HERC4: variants seen among roughly 807,000 people sequenced by gnomAD.
The protein encoded by HERC4 is HECT and RLD domain containing E3 ubiquitin protein ligase 4.
Under a neutral mutation model 124.3 loss-of-function variants are expected in HERC4, and 28 were observed. The observed-to-expected ratio is 0.23, with a 90% CI of 0.17 to 0.31. The LOEUF (loss-of-function observed/expected upper bound fraction) is 0.31, where lower values mean the gene tolerates loss of function less well. Among genes scored for constraint, HERC4 ranks in the 10% least tolerant of loss-of-function variants. The pLI is 1.00. For synonymous variants in HERC4, 407 were observed against 421.5 expected, an observed-to-expected ratio of 0.97 and a Z score of 0.42; for missense variants, 713 against 1,229.3, an observed-to-expected ratio of 0.58 and a Z score of 6.28.
Position 67,992,926 on chromosome 10 carries a change from C to G in HERC4, c.1070-244G>C, listed in dbSNP as rs2036629134. 2.0e-5 allele frequency: 6 copies of G among 305,158 alleles called. No individual in the cohort carries two copies. The East Asian group carries it at 2.2e-4, about 11-fold the overall frequency. The allele number at this position is 305,158 out of a possible 1,614,324, so 18.9% of individuals were successfully genotyped here. ...TGAAGTTTACAAGCCTTTCTTCTGC[C>G]CTGCACCAAGAAAAAAAGCTTTTTC... On this transcript the variant is annotated intron_variant, in intron 9 of 24. Coordinates refer to ENST00000373700, the MANE Select transcript of HERC4 (RefSeq NM_015601.4).
At chr10:67,979,030 G>A (rs968883997) in intron 15 of HERC4, among the ~76,000 whole-genome samples, 6 of 152,162 alleles carry the variant, frequency 3.9e-5, no homozygotes, top group South Asian at 2.1e-4. Context: ...TCCAAACCGC[G>A]AAGACTACAA....
chr10:67,936,516 CTATAAAA>C (rs2032376781), intron 21 of HERC4, among the ~76,000 whole-genome samples: 1 of 152,108 alleles, frequency 6.6e-6, no homozygotes, highest in Admixed American at 6.6e-5. Flanking sequence ...AGAATTGTTA[CTATAAAA>C]TATTAGACAG....
intron 8 of HERC4, among the ~76,000 whole-genome samples, chr10:68,018,478 A>T (rs1053575238): frequency 2.6e-5 from 4 of 152,220 alleles, no homozygotes; most frequent in African/African-American, 9.6e-5. Context: ...TACAGTAAAC[A>T]TTATAATGGT....
chr10:67,958,376 G>A (rs1340833478), intron 16 of HERC4, among the ~76,000 whole-genome samples: 1 of 125,278 alleles, frequency 8.0e-6, no homozygotes, highest in East Asian at 1.9e-4. Context: ...AGCACCCTTT[G>A]GCTTCAAAAC....
At chr10:68,073,335 C>A in intron 2 of HERC4, 149 bp from the exon 3 acceptor site, 1 of 452,940 alleles carries the variant, frequency 2.2e-6, no homozygotes. Flanking sequence ...TTTCAAAAAC[C>A]AATCAGTTGT....
chr10:67,932,902 G>GTC, intron 22 of HERC4, 122 bp from the exon 23 acceptor site: 1 of 803,644 alleles, frequency 1.2e-6, no homozygotes, highest in Non-Finnish European at 1.9e-6. Flanking sequence ...AACTGAGAAT[G>GTC]TATGAGTAGC....
chr10:67,955,045 A>G lies in HERC4; in HGVS notation c.2111T>C (p.Val704Ala), dbSNP rs199978401. The G allele has an allele frequency of 1.9e-6, 3 of 1,600,370 alleles. No homozygotes were observed. Among genetic ancestry groups the G allele is most frequent in the African/African-American group, 1.4e-5 (1 of 73,838 alleles). Residue 704 changes from valine to alanine, a missense_variant, in exon 18 of 25, where the codon GTG becomes GCG. Transcript: ENST00000373700. ...TCCTACAATATTTTCTCTACGCACC[A>G]CTAGAATTAAGCAGGGATTCACAGA... ...IESVNPCLILVVRRENIVGDA... is the reference protein window; with the variant it reads ...IESVNPCLILAVRRENIVGDA...
intron 18 of HERC4, 21 bp downstream of exon 18, chr10:67,954,942 C>T: frequency 1.3e-6 from 2 of 1,578,602 alleles, no homozygotes; most frequent in South Asian, 1.2e-5. Context: ...CCCAATTATA[C>T]CACAGAAAAT....
rs1179387136 is a variant in HERC4, at chr10:67,991,031, G to A, written c.1332-16C>T. ...ATCATCATTGCTAAAAAACAGAAAA[G>A]AAAAAAAAAAATAGAATAAAAATTT... is the stretch of plus-strand genomic sequence containing the variant. On this transcript the variant is annotated splice_polypyrimidine_tract_variant and intron_variant, in intron 12 of 24. Coordinates refer to ENST00000373700, the MANE Select transcript of HERC4 (RefSeq NM_015601.4). 1.5e-5 allele frequency: 15 copies of A among 1,030,334 alleles called. No individual in the cohort carries two copies. Among genetic ancestry groups the A allele is most frequent in the East Asian group, 2.9e-5 (1 of 34,104 alleles). The allele number at this position is 1,030,334 out of a possible 1,614,324, so 63.8% of individuals were successfully genotyped here. A position where few individuals can be genotyped will look rare whatever the true frequency, so the allele number is the denominator to read the frequency against.
At chr10:68,051,844 T>G (rs953465421) in intron 3 of HERC4, among the ~76,000 whole-genome samples, 14 of 151,560 alleles carry the variant, frequency 9.2e-5, no homozygotes, top group African/African-American at 3.4e-4. Flanking sequence ...TAATTTTTTG[T>G]ATTTTTTAGA....
intron 15 of HERC4, among the ~76,000 whole-genome samples, chr10:67,978,236 C>A (rs1302980677): frequency 2.0e-5 from 3 of 152,194 alleles, no homozygotes; most frequent in African/African-American, 7.2e-5. Flanking sequence ...TCACTGCACT[C>A]CAGCCTGGGC....
Position 68,034,122 on chromosome 10 carries a change from T to C in HERC4, c.528A>G (p.Lys176=), listed in dbSNP as rs2039342264. 3 of 1,614,022 alleles carry C rather than the reference T, an allele frequency of 1.9e-6. No individual in the cohort carries two copies. The highest frequency in any genetic ancestry group is 2.7e-5 in the African/African-American group (2 of 74,916). Residue 176 remains lysine (K), a synonymous_variant, in exon 6 of 25, where the codon AAA becomes AAG. Transcript: ENST00000373700. ...YGQLGLGTDC[K]KQTSPQLLKS... is the part of the protein sequence containing the mutation. ...TAAGCAGCTGCGGTGAAGTTTGCTT[T>C]TTACAGTCAGTACCTAAACCCAATT...
chr10:67,967,914 G>GA (rs11398946), intron 15 of HERC4, among the ~76,000 whole-genome samples: 145,008 of 150,010 alleles, frequency 0.97, 70,263 homozygotes, highest in East Asian at 1. Context: ...AGCAGGGATT[G>GA]AAAAAAAAAG....
intron 19 of HERC4, among the ~76,000 whole-genome samples, chr10:67,945,428 G>A (rs1185581266): frequency 6.6e-6 from 1 of 152,198 alleles, no homozygotes; most frequent in African/African-American, 2.4e-5. Flanking sequence ...TTATCAACAT[G>A]AGACCTGTTC....
At chr10:67,972,568 A>C (rs1324636276) in intron 15 of HERC4, among the ~76,000 whole-genome samples, 1 of 150,798 alleles carries the variant, frequency 6.6e-6, no homozygotes, top group East Asian at 1.9e-4. Context: ...ATTTCTCTGT[A>C]CTAGCAACAA....
chr10:68,046,978 C>CA lies in HERC4; in HGVS notation c.227-2416dup, dbSNP rs2040043887. On this transcript the variant is annotated intron_variant, in intron 3 of 24. Coordinates refer to ENST00000373700, the MANE Select transcript of HERC4 (RefSeq NM_015601.4). Reference sequence around the variant, plus strand: ...GTCTCCAGAAAAACAAACAAACAAACAAACAAAAAAAAACATGAAGAATTT... The same window carrying CA: ...GTCTCCAGAAAAACAAACAAACAAACAAAACAAAAAAAAACATGAAGAATTT... Among the ~76,000 whole-genome samples, 3 of 148,378 alleles carry CA rather than the reference C, an allele frequency of 2.0e-5. No individual in the cohort carries two copies. The South Asian group carries it at 6.5e-4, about 32-fold the overall frequency.
intron 19 of HERC4, among the ~76,000 whole-genome samples, chr10:67,942,271 G>C (rs1485541701): frequency 6.6e-6 from 1 of 152,110 alleles, no homozygotes; most frequent in African/African-American, 2.4e-5. Flanking sequence ...GATTACATGG[G>C]ATAATATACG....
chr10:68,000,523 G>A (rs1339551186), intron 9 of HERC4, among the ~76,000 whole-genome samples: 3 of 151,004 alleles, frequency 2.0e-5, no homozygotes, highest in African/African-American at 4.9e-5. Flanking sequence ...AGGCTGCAGT[G>A]AGCCAAGGTC....
chr10:68,063,874 G>A (rs1174378855), intron 3 of HERC4, among the ~76,000 whole-genome samples: 3 of 152,194 alleles, frequency 2.0e-5, no homozygotes, highest in Admixed American at 1.3e-4. Flanking sequence ...GGGAGGTGGA[G>A]GCTGCAGTGA....
Sources: allele counts gnomAD v4.1 joint callset (sites outside exome capture counted in the v4.1 genomes callset), GRCh38; gene constraint gnomAD v4.1.1; transcripts MANE v1.5; gene names NCBI Gene and HGNC (gene_info 2026-07-23, HGNC 2026-07-21).